ZNF334: variants seen among roughly 807,000 people sequenced by gnomAD.
ZNF334 encodes zinc finger protein 334.
ZNF334 carries 14 observed loss-of-function variants against 12.4 expected under a neutral mutation model. The ratio of observed to expected loss-of-function variants is 1.13; its 90% CI spans 0.74 to 1.76. The LOEUF is 1.76. Ranked by LOEUF, ZNF334 falls within the 40% of genes most tolerant of loss-of-function variation. ZNF334 has a pLI of 0.00. For synonymous variants in ZNF334, 273 were observed against 269.6 expected, an observed-to-expected ratio of 1.01 and a Z score of -0.12; for missense variants, 797 against 804.5, an observed-to-expected ratio of 0.99 and a Z score of 0.11.
chr20:46,510,052 G>C (rs191220179), intron 2 of ZNF334, among the ~76,000 whole-genome samples: 50 of 152,306 alleles, frequency 3.3e-4, no homozygotes, highest in South Asian at 2.9e-3. Context: ...ATATACAGTT[G>C]TTGAATGAAA....
At chr20:46,509,471 G>A in intron 2 of ZNF334, 1 of 669,724 alleles carries the variant, frequency 1.5e-6, no homozygotes, top group Non-Finnish European at 2.8e-6. Context: ...CCAAAGAGGG[G>A]CAAGTTTCCT....
chr20:46,471,148 C>T, the ZNF334 span, among the ~76,000 whole-genome samples: 1 of 152,146 alleles, frequency 6.6e-6, no homozygotes, highest in African/African-American at 2.4e-5. Flanking sequence ...TTTAGCCAAT[C>T]CTTTTAATTT....
chr20:46,480,626 T>C, the ZNF334 span, among the ~76,000 whole-genome samples: 1 of 152,124 alleles, frequency 6.6e-6, no homozygotes. Flanking sequence ...AATCCTGCAT[T>C]CCCCAATCCT....
the ZNF334 span, chr20:46,464,424 TC>T: frequency 2.0e-6 from 1 of 508,652 alleles, no homozygotes; most frequent in South Asian, 1.5e-5. Context: ...CTGGAGAGGA[TC>T]CCAAAGCCAC....
chr20:46,464,750 C>A, the ZNF334 span: 1 of 495,946 alleles, frequency 2.0e-6, no homozygotes, highest in Non-Finnish European at 4.1e-6. Flanking sequence ...CAGAAAGGGG[C>A]AGTGTACGCT....
At chr20:46,480,006 T>C in the ZNF334 span, among the ~76,000 whole-genome samples, 4 of 152,212 alleles carry the variant, frequency 2.6e-5, no homozygotes, top group Non-Finnish European at 5.9e-5. Flanking sequence ...CAAATCAATA[T>C]ATTCCTTACA....
At chr20:46,506,577 C>CT (rs992078792) in intron 2 of ZNF334, 4 of 375,794 alleles carry the variant, frequency 1.1e-5, no homozygotes, top group African/African-American at 6.2e-5. Flanking sequence ...GATTGTGCCA[C>CT]TGTACTCCAG....
chr20:46,464,667 C>A, the ZNF334 span: 1 of 438,648 alleles, frequency 2.3e-6, no homozygotes, highest in Non-Finnish European at 4.5e-6. Context: ...CCATCTCTCC[C>A]ACTGCAGCCT....
At chr20:46,512,206 C>A in intron 1 of ZNF334, 66 bp from the exon 2 acceptor site, 2 of 1,223,988 alleles carry the variant, frequency 1.6e-6, no homozygotes, top group Non-Finnish European at 2.4e-6. Context: ...TCTACAATTA[C>A]CTACAAAGCC....
At chr20:46,510,454 G>C (rs546465790) in intron 2 of ZNF334, among the ~76,000 whole-genome samples, 1 of 152,144 alleles carries the variant, frequency 6.6e-6, no homozygotes, top group Non-Finnish European at 1.5e-5. Context: ...GGCCGGGCGC[G>C]ATGGCTCACG....
At chr20:46,512,045 C>T in intron 2 of ZNF334, 37 bp downstream of exon 2, 1 of 1,607,650 alleles carries the variant, frequency 6.2e-7, no homozygotes, top group Non-Finnish European at 8.5e-7. Flanking sequence ...TTGAAATTCA[C>T]TGTATAATGT....
the ZNF334 span, among the ~76,000 whole-genome samples, chr20:46,490,469 G>C: frequency 6.6e-6 from 1 of 152,124 alleles, no homozygotes; most frequent in Non-Finnish European, 1.5e-5. Context: ...ATTTTAAAGG[G>C]CCTTAATGGA....
the ZNF334 span, among the ~76,000 whole-genome samples, chr20:46,467,722 A>T: frequency 2.0e-5 from 3 of 152,296 alleles, no homozygotes; most frequent in African/African-American, 7.2e-5. Context: ...ATCTTCATGA[A>T]TTTTTTTAAA....
rs772890856 is a variant in ZNF334, at chr20:46,501,250, G to A, written c.*46C>T. 25 of 1,573,898 alleles carry A rather than the reference G, an allele frequency of 1.6e-5. No homozygotes were observed. The highest frequency in any genetic ancestry group is 2.1e-5 in the Non-Finnish European group (24 of 1,161,356). ...ATACTCACAGTTTAGCATTGTGTAAGTTATTTGATTTGTTGCTTTGTTGGA... is the reference window on the plus strand; with the variant it reads ...ATACTCACAGTTTAGCATTGTGTAAATTATTTGATTTGTTGCTTTGTTGGA... On this transcript the variant is annotated 3_prime_UTR_variant, in exon 5 of 5. Transcript: ENST00000692313.
chr20:46,493,729 A>T, the ZNF334 span, among the ~76,000 whole-genome samples: 1 of 152,256 alleles, frequency 6.6e-6, no homozygotes, highest in Admixed American at 6.5e-5. Context: ...TACCATCCCT[A>T]GCCCTGAAGG....
chr20:46,475,727 T>C, the ZNF334 span, among the ~76,000 whole-genome samples: 1 of 152,154 alleles, frequency 6.6e-6, no homozygotes, highest in Non-Finnish European at 1.5e-5. Context: ...CAGTGTGATA[T>C]CACTACATGC....
chr20:46,507,158 GAAAGA>G (rs1418687656), intron 2 of ZNF334, among the ~76,000 whole-genome samples: 1 of 149,140 alleles, frequency 6.7e-6, no homozygotes, highest in Non-Finnish European at 1.5e-5. Flanking sequence ...AAAAAGGAAA[GAAAGA>G]AAAGAAAGAG....
chr20:46,482,273 A>G, the ZNF334 span, among the ~76,000 whole-genome samples: 1 of 152,220 alleles, frequency 6.6e-6, no homozygotes, highest in Non-Finnish European at 1.5e-5. Flanking sequence ...CCTCTCACTA[A>G]TCCACATATT....
the ZNF334 span, among the ~76,000 whole-genome samples, chr20:46,472,732 C>T: frequency 6.6e-6 from 1 of 152,180 alleles, no homozygotes; most frequent in South Asian, 2.1e-4. Context: ...TAATCTGGGT[C>T]ATGTGGGGGC....
Sources: gnomAD v4.1 joint callset for allele counts (sites outside exome capture counted in the v4.1 genomes callset) on GRCh38, gnomAD v4.1.1 for gene constraint, MANE v1.5 for transcripts, NCBI Gene and HGNC (gene_info 2026-07-23, HGNC 2026-07-21) for gene names.